The following STX8 variants were observed in gnomAD, a reference collection of about 807,000 sequenced individuals.
STX8 encodes syntaxin 8.
Under a neutral mutation model 37.5 loss-of-function variants are expected in STX8, and 23 were observed. The ratio of observed to expected loss-of-function variants is 0.61; its 90% CI spans 0.44 to 0.87. STX8 has a LOEUF of 0.87. Among genes scored for constraint, STX8 ranks in the 40% least tolerant of loss-of-function variants. The pLI, the probability that STX8 is intolerant of heterozygous loss-of-function variation, is 0.00. For synonymous variants in STX8, 115 were observed against 99.1 expected, an observed-to-expected ratio of 1.16 and a Z score of -0.95; for missense variants, 313 against 284.7, an observed-to-expected ratio of 1.10 and a Z score of -0.71.
At chr17:9,408,704 T>C (rs1912878836) in intron 6 of STX8, among the ~76,000 whole-genome samples, 1 of 152,184 alleles carries the variant, frequency 6.6e-6, no homozygotes, top group African/African-American at 2.4e-5. Flanking sequence ...TTTTTCTTTA[T>C]AACACAGCTA....
At chr17:9,384,755 A>G (rs12603790) in intron 6 of STX8, among the ~76,000 whole-genome samples, 11 of 152,064 alleles carry the variant, frequency 7.2e-5, no homozygotes, top group African/African-American at 2.7e-4. Flanking sequence ...TAGAATAAGG[A>G]CAAACACATC....
chr17:9,368,441 T>C (rs2142269011), intron 7 of STX8, among the ~76,000 whole-genome samples: 1 of 152,182 alleles, frequency 6.6e-6, no homozygotes, highest in African/African-American at 2.4e-5. Flanking sequence ...GAAGCATAGC[T>C]TGCACTGAGC....
intron 6 of STX8, among the ~76,000 whole-genome samples, chr17:9,473,634 A>G (rs562540495): frequency 6.6e-6 from 1 of 152,270 alleles, no homozygotes; most frequent in Non-Finnish European, 1.5e-5. Context: ...AAGTCTGCAC[A>G]TGTTCAGTGC....
chr17:9,250,974 C>T (rs1191227358), intron 7 of STX8, among the ~76,000 whole-genome samples: 2 of 152,028 alleles, frequency 1.3e-5, no homozygotes, highest in South Asian at 2.1e-4. Flanking sequence ...CGACAGCCAC[C>T]CTCACTACCC....
intron 7 of STX8, among the ~76,000 whole-genome samples, chr17:9,297,587 G>C (rs1396225052): frequency 6.6e-6 from 1 of 152,308 alleles, no homozygotes; most frequent in East Asian, 1.9e-4. Context: ...ATGTTTGTTA[G>C]CCGGATGCAG....
intron 6 of STX8, among the ~76,000 whole-genome samples, chr17:9,443,662 C>T (rs1012561401): frequency 2.0e-5 from 3 of 152,166 alleles, no homozygotes; most frequent in African/African-American, 7.2e-5. Flanking sequence ...CCTCCTTTTC[C>T]AGAGTTCTCT....
At position 9,556,750 on chromosome 17, in the gene STX8, AATAT is replaced by A. The variant is rs575240217; in HGVS notation, c.212+680_212+683del. On this transcript the variant is annotated intron_variant, in intron 3 of 7. Transcript: ENST00000306357. ...CCTGGCCCAGATTATGAATTTCTAAAATATATATATATATATATATATATATATA... is the reference window on the plus strand; with the variant it reads ...CCTGGCCCAGATTATGAATTTCTAAAATATATATATATATATATATATATA... The A allele has an allele frequency of 4.3e-3, 431 of 99,486 alleles. 5 individuals are homozygous for A. The highest frequency in any genetic ancestry group is 0.025 in the Middle Eastern group (5 of 200). The allele number at this position is 99,486 out of a possible 1,614,324, so 6.2% of individuals were successfully genotyped here. A position where few individuals can be genotyped will look rare whatever the true frequency, so the allele number is the denominator to read the frequency against.
Position 9,575,793 on chromosome 17 carries a change from AG to A in STX8, c.15del (p.Trp6GlyfsTer37). Reference sequence around the variant, plus strand: ...CCGCCGCCCTCACCCGGGACTCACCAGGGGTCCGGTGCCATCCTGCAGACTC... The same window carrying A: ...CCGCCGCCCTCACCCGGGACTCACCAGGGTCCGGTGCCATCCTGCAGACTC... MAPD[P>X]WFSTYDSTCQ... On this transcript the variant is annotated frameshift_variant and splice_region_variant, in exon 1 of 8. Transcript: ENST00000306357. LOFTEE classifies it high-confidence loss of function. The A allele has an allele frequency of 6.5e-7, 1 of 1,542,162 alleles. No individual in the cohort carries two copies.
At chr17:9,535,367 A>T (rs1905988242) in intron 4 of STX8, among the ~76,000 whole-genome samples, 1 of 150,420 alleles carries the variant, frequency 6.6e-6, no homozygotes, top group African/African-American at 2.4e-5. Context: ...CTAGAAAATA[A>T]CTTGTGAAAT....
At chr17:9,474,422 G>A (rs978177244) in intron 6 of STX8, among the ~76,000 whole-genome samples, 2 of 152,048 alleles carry the variant, frequency 1.3e-5, no homozygotes, top group African/African-American at 4.8e-5. Context: ...ACCCAGACTG[G>A]AGTGCAATGG....
chr17:9,284,581 A>G (rs997166016), intron 7 of STX8, among the ~76,000 whole-genome samples: 2 of 152,194 alleles, frequency 1.3e-5, no homozygotes, highest in South Asian at 4.1e-4. Flanking sequence ...GAGCAATGAC[A>G]GTTGTTTAAA....
At chr17:9,454,452 G>A (rs1387457860) in intron 6 of STX8, among the ~76,000 whole-genome samples, 2 of 152,156 alleles carry the variant, frequency 1.3e-5, no homozygotes, top group African/African-American at 4.8e-5. Context: ...GCCGAGGCGG[G>A]CAGATCACGA....
rs547273404 is a variant in STX8 at position 9,366,159 on chromosome 17, C to CA, written c.643+12392_643+12393insT. 4.6e-5 allele frequency among the ~76,000 whole-genome samples: 7 copies of CA among 152,338 alleles called. No individual in the cohort carries two copies. In the South Asian group the frequency reaches 1.2e-3, roughly 27 times the overall value. On this transcript the variant is annotated intron_variant, in intron 7 of 7. Transcript: ENST00000306357. ...GGCTATGTCTTAGAGAAACCTGGTGCTGTCAATGCCTTCTTCGAATCTATT... is the reference window on the plus strand; with the variant it reads ...GGCTATGTCTTAGAGAAACCTGGTGCATGTCAATGCCTTCTTCGAATCTATT...
At chr17:9,414,781 T>C (rs1167089675) in intron 6 of STX8, among the ~76,000 whole-genome samples, 1 of 136,380 alleles carries the variant, frequency 7.3e-6, no homozygotes, top group African/African-American at 2.7e-5. Context: ...ACCTGAGTTC[T>C]GCTTTTTTTT....
intron 7 of STX8, among the ~76,000 whole-genome samples, chr17:9,350,420 T>C (rs114104844): frequency 6.6e-6 from 1 of 152,328 alleles, no homozygotes; most frequent in African/African-American, 2.4e-5. Context: ...ATGAGAGCAG[T>C]TGGTGTTGCT....
chr17:9,284,264 C>T (rs1907995706), intron 7 of STX8, among the ~76,000 whole-genome samples: 1 of 152,188 alleles, frequency 6.6e-6, no homozygotes, highest in Admixed American at 6.5e-5. Context: ...TGGTTTGTCT[C>T]TAAGTTTTCC....
chr17:9,424,561 G>A (rs535489712), intron 6 of STX8, among the ~76,000 whole-genome samples: 3 of 151,846 alleles, frequency 2.0e-5, no homozygotes, highest in Non-Finnish European at 2.9e-5. Context: ...ATTCTCCCTC[G>A]ATCCCCTCTT....
chr17:9,480,551 G>C (rs1031226062), intron 6 of STX8, among the ~76,000 whole-genome samples: 1 of 152,098 alleles, frequency 6.6e-6, no homozygotes, highest in East Asian at 1.9e-4. Flanking sequence ...TGACTCTCTA[G>C]GTCACAGATC....
At chr17:9,471,303 C>T (rs564551021) in intron 6 of STX8, among the ~76,000 whole-genome samples, 1 of 151,844 alleles carries the variant, frequency 6.6e-6, no homozygotes, top group East Asian at 2.0e-4. Flanking sequence ...AGGCGCCCGC[C>T]ATCACACCCA....
Sources: gnomAD v4.1 joint callset for allele counts (sites outside exome capture counted in the v4.1 genomes callset) on GRCh38, gnomAD v4.1.1 for gene constraint, MANE v1.5 for transcripts, NCBI Gene and HGNC (gene_info 2026-07-23, HGNC 2026-07-21) for gene names.